DPP6: variants seen among roughly 807,000 people sequenced by gnomAD.
DPP6 encodes dipeptidyl peptidase like 6.
In DPP6, 69 loss-of-function variants were observed where a neutral mutation model predicts 122.6. The ratio of observed to expected loss-of-function variants is 0.56; its 90% confidence interval spans 0.46 to 0.69. The LOEUF is 0.69. Among genes scored for constraint, DPP6 ranks in the 30% least tolerant of loss-of-function variants. The pLI, the probability that DPP6 is intolerant of heterozygous loss-of-function variation, is 0.00. For missense variants in DPP6, 928 were observed against 1,116.9 expected (o/e 0.83, Z 2.41); for synonymous variants, 418 against 433.1 (o/e 0.97, Z 0.43).
At chr7:154,290,647 C>CAAAA (rs36088986) in intron 1 of DPP6, among the ~76,000 whole-genome samples, 1 of 133,952 alleles carries the variant, frequency 7.5e-6, no homozygotes, top group Admixed American at 7.4e-5. Flanking sequence ...ACTCTGTCTC[C>CAAAA]AAAAAAAAAA....
intron 17 of DPP6, among the ~76,000 whole-genome samples, chr7:154,856,181 C>T (rs1802815710): frequency 6.6e-6 from 1 of 152,228 alleles, no homozygotes; most frequent in African/African-American, 2.4e-5. Flanking sequence ...TATGATATAG[C>T]ATATGGCTCT....
At chr7:154,038,385 A>T (rs1291129399) in intron 1 of DPP6, 4 of 61,928 alleles carry the variant, frequency 6.5e-5, no homozygotes, top group East Asian at 5.3e-4. Flanking sequence ...TTTCAATTTT[A>T]AAAAAAAATC....
chr7:153,794,997 T>G, the DPP6 span, among the ~76,000 whole-genome samples: 1 of 152,166 alleles, frequency 6.6e-6, no homozygotes, highest in African/African-American at 2.4e-5. Context: ...TTCCTAGTCT[T>G]GGGTATGTCT....
chr7:153,952,893 A>C (rs1802286414), intron 1 of DPP6, among the ~76,000 whole-genome samples: 1 of 152,236 alleles, frequency 6.6e-6, no homozygotes, highest in African/African-American at 2.4e-5. Flanking sequence ...ATACAATTTT[A>C]AAAGGCTTAC....
Position 154,788,956 on chromosome 7 carries a change from C to A in DPP6, c.1137-5123C>A, listed in dbSNP as rs114733383. Reference sequence around the variant, plus strand: ...AGTTTTAGTTTCCTTGCAGCCCCCTCATCTCCCTTTTTGATCTTATCTTGG... The same window carrying A: ...AGTTTTAGTTTCCTTGCAGCCCCCTAATCTCCCTTTTTGATCTTATCTTGG... On this transcript the variant is annotated intron_variant, in intron 10 of 25. Coordinates refer to ENST00000377770, the MANE Select transcript of DPP6 (RefSeq NM_130797.4). Among the ~76,000 whole-genome samples, 692 of 152,324 alleles carry A rather than the reference C, an allele frequency of 4.5e-3. 4 individuals are homozygous for A. The highest frequency in any genetic ancestry group is 0.016 in the African/African-American group (652 of 41,568).
intron 1 of DPP6, among the ~76,000 whole-genome samples, chr7:154,262,070 T>C (rs533876302): frequency 6.6e-6 from 1 of 152,022 alleles, no homozygotes; most frequent in Admixed American, 6.5e-5. Flanking sequence ...GGATTCAGTG[T>C]TTTGAAGTTA....
intron 1 of DPP6, among the ~76,000 whole-genome samples, chr7:154,186,057 CTTG>C (rs1295785692): frequency 6.6e-6 from 1 of 152,198 alleles, no homozygotes; most frequent in East Asian, 1.9e-4. Flanking sequence ...GGATTAGCCT[CTTG>C]GTTTTGTGCA....
At chr7:154,543,993 C>CAAAAA (rs35853479) in intron 4 of DPP6, among the ~76,000 whole-genome samples, 2 of 68,872 alleles carry the variant, frequency 2.9e-5, no homozygotes, top group Non-Finnish European at 5.5e-5. Flanking sequence ...GACTCCATCT[C>CAAAAA]AAAAAAAAAA....
intron 17 of DPP6, chr7:154,865,256 A>G (rs3778738): frequency 0.087 from 13,190 of 152,310 alleles, 787 homozygotes; most frequent in Admixed American, 0.17. Flanking sequence ...CCTGATCTTC[A>G]TCGGTTGTCA....
At chr7:154,811,085 T>C (rs1274374247) in intron 16 of DPP6, among the ~76,000 whole-genome samples, 1 of 152,234 alleles carries the variant, frequency 6.6e-6, no homozygotes, top group Non-Finnish European at 1.5e-5. Flanking sequence ...AAACTAGCCC[T>C]CTTCTCTACA....
At chr7:154,289,933 G>C (rs1805097918) in intron 1 of DPP6, among the ~76,000 whole-genome samples, 1 of 152,138 alleles carries the variant, frequency 6.6e-6, no homozygotes, top group Admixed American at 6.6e-5. Context: ...GGAGCCCATA[G>C]GTTGAAATAC....
At chr7:154,472,360 C>T (rs183069159) in intron 2 of DPP6, among the ~76,000 whole-genome samples, 4 of 152,300 alleles carry the variant, frequency 2.6e-5, no homozygotes, top group South Asian at 2.1e-4. Flanking sequence ...CTGCATCCAC[C>T]GACAACTTTC....
In DPP6 at chr7:154,094,500, T is replaced by C. The variant is rs976313232; in HGVS notation, c.243+41437T>C. On this transcript the variant is annotated intron_variant, in intron 1 of 25. Coordinates refer to ENST00000377770, the MANE Select transcript of DPP6 (RefSeq NM_130797.4). ...GATTCGGGCTCTGTGTGCTGAATTA[T>C]GTTTGCGGCGATCTCACAGTTGTGA... 3.9e-5 allele frequency: 6 copies of C among 152,340 alleles called. 1 individual carries two copies. The highest frequency in any genetic ancestry group is 1.4e-4 in the African/African-American group (6 of 41,430). 9.4% of individuals were successfully genotyped at this position (152,340 alleles called of 1,614,324 possible).
the DPP6 span, among the ~76,000 whole-genome samples, chr7:153,839,152 G>A: frequency 6.6e-6 from 1 of 152,110 alleles, no homozygotes; most frequent in Non-Finnish European, 1.5e-5. Context: ...CATGTGTCTC[G>A]CTATCTGATG....
In DPP6 at chr7:154,112,499, G is replaced by T. The variant is rs575725679; in HGVS notation, c.243+59436G>T. Among the ~76,000 whole-genome samples the T allele has an allele frequency of 2.0e-5, 3 of 152,120 alleles. No individual in the cohort carries two copies. In the South Asian group the frequency reaches 6.2e-4, roughly 32 times the overall value. On this transcript the variant is annotated intron_variant, in intron 1 of 25. Coordinates refer to ENST00000377770, the MANE Select transcript of DPP6 (RefSeq NM_130797.4). ...GTCTCTACTAAAAATACAAATATTA[G>T]CCAGGCGTGGTGGCACATGCCTGTA...
chr7:154,266,993 C>G (rs1159406878), intron 1 of DPP6, among the ~76,000 whole-genome samples: 2 of 152,118 alleles, frequency 1.3e-5, no homozygotes, highest in African/African-American at 4.8e-5. Flanking sequence ...AAACATCCTC[C>G]TTTTCCAACT....
chr7:153,970,976 T>C (rs550879185), intron 1 of DPP6, among the ~76,000 whole-genome samples: 1 of 152,340 alleles, frequency 6.6e-6, no homozygotes, highest in Admixed American at 6.5e-5. Flanking sequence ...AGATTACTTA[T>C]GTTTCAATAT....
intron 4 of DPP6, among the ~76,000 whole-genome samples, chr7:154,546,584 C>T (rs1829212670): frequency 1.3e-5 from 2 of 151,008 alleles, no homozygotes; most frequent in Non-Finnish European, 2.9e-5. Flanking sequence ...GTTTTAATTG[C>T]TTATTTTAAT....
upstream of DPP6, among the ~76,000 whole-genome samples, chr7:153,882,216 CT>C (rs1466160372): frequency 2.6e-5 from 4 of 152,126 alleles, no homozygotes; most frequent in Non-Finnish European, 5.9e-5. Flanking sequence ...AGATATCTTC[CT>C]GAAAATTTAT....
Sources: allele counts gnomAD v4.1 joint callset (sites outside exome capture counted in the v4.1 genomes callset), GRCh38; gene constraint gnomAD v4.1.1; transcripts MANE v1.5; gene names NCBI Gene and HGNC (gene_info 2026-07-23, HGNC 2026-07-21).